The following FBLN7 variants were observed in gnomAD, a reference collection of about 807,000 sequenced individuals.
FBLN7 encodes fibulin 7, also known as fibulin-7.
Under a neutral mutation model 44.0 loss-of-function variants are expected in FBLN7, and 31 were observed. That is an observed-to-expected ratio of 0.70 (90% confidence interval 0.53 to 0.95). The LOEUF (loss-of-function observed/expected upper bound fraction) is 0.95. Among genes scored for constraint, FBLN7 ranks in the 40% least tolerant of loss-of-function variants. The pLI, the probability that FBLN7 is intolerant of heterozygous loss-of-function variation, is 0.00. For synonymous variants in FBLN7, 262 were observed against 253.4 expected, an observed-to-expected ratio of 1.03 and a Z score of -0.32; for missense variants, 573 against 618.5, an observed-to-expected ratio of 0.93 and a Z score of 0.78.
intron 6 of FBLN7, among the ~76,000 whole-genome samples, chr2:112,183,409 A>G (rs185181866): frequency 8.8e-4 from 134 of 152,324 alleles, no homozygotes; most frequent in African/African-American, 3.1e-3. Flanking sequence ...GTCTGATGGT[A>G]GCTGAGGACA....
At chr2:112,234,531 T>C in the FBLN7 span, among the ~76,000 whole-genome samples, 1 of 152,354 alleles carries the variant, frequency 6.6e-6, no homozygotes, top group South Asian at 2.1e-4. Context: ...CCAGACACAG[T>C]GGCTCACGCC....
chr2:112,175,877 C>A (rs751547908), intron 4 of FBLN7, 38 bp downstream of exon 4: 20 of 1,604,454 alleles, frequency 1.2e-5, no homozygotes, highest in African/African-American at 2.7e-5. Context: ...GGACATCCTG[C>A]TGTGGGGAGA....
chr2:112,202,052 T>C, the FBLN7 span, among the ~76,000 whole-genome samples: 27 of 152,228 alleles, frequency 1.8e-4, 1 homozygote, highest in South Asian at 4.1e-4. Flanking sequence ...TTATGTAGGA[T>C]ACAGCTGGGA....
intron 2 of FBLN7, among the ~76,000 whole-genome samples, chr2:112,162,375 C>G (rs575000335): frequency 3.4e-5 from 5 of 146,262 alleles, no homozygotes; most frequent in Admixed American, 1.4e-4. Flanking sequence ...ATTTCCAGTT[C>G]TGGAGAATTC....
At chr2:112,198,541 G>T in the FBLN7 span, among the ~76,000 whole-genome samples, 146 of 152,092 alleles carry the variant, frequency 9.6e-4, no homozygotes, top group Admixed American at 1.5e-3. Context: ...GGAGGCTGAG[G>T]GAGGAGAATC....
chr2:112,141,246 A>G (rs939383833), intron 1 of FBLN7, among the ~76,000 whole-genome samples: 1 of 152,338 alleles, frequency 6.6e-6, no homozygotes, highest in East Asian at 1.9e-4. Context: ...GCAGATGATG[A>G]AAGTGAGGCC....
Position 112,170,399 on chromosome 2 carries a change from C to T in FBLN7, c.406+5228C>T, listed in dbSNP as rs534598794. 2.9e-3 allele frequency among the ~76,000 whole-genome samples: 438 copies of T among 151,542 alleles called. 4 individuals carry two copies. The highest frequency in any genetic ancestry group is 0.01 in the African/African-American group (429 of 41,272). On this transcript the variant is annotated intron_variant, in intron 3 of 7. Coordinates refer to ENST00000331203, the MANE Select transcript of FBLN7 (RefSeq NM_153214.3). Reference sequence around the variant, plus strand: ...AAAATTAGCCGGGCATGGTGGCATGCGCCTGTAATCCCAGCTACTCTGGAG... The same window carrying T: ...AAAATTAGCCGGGCATGGTGGCATGTGCCTGTAATCCCAGCTACTCTGGAG...
intron 1 of FBLN7, among the ~76,000 whole-genome samples, chr2:112,140,195 T>A (rs1228116420): frequency 1.5e-5 from 2 of 137,112 alleles, no homozygotes; most frequent in East Asian, 4.3e-4. Context: ...CCCGCCTCTC[T>A]CCAGGCCAGT....
At chr2:112,148,682 G>A (rs1159784086) in intron 1 of FBLN7, among the ~76,000 whole-genome samples, 1 of 152,224 alleles carries the variant, frequency 6.6e-6, no homozygotes, top group Non-Finnish European at 1.5e-5. Flanking sequence ...TTGGTCTAGG[G>A]CAGTTCATCT....
At chr2:112,180,630 G>A (rs897583310) in intron 4 of FBLN7, among the ~76,000 whole-genome samples, 32 of 152,108 alleles carry the variant, frequency 2.1e-4, no homozygotes, top group Admixed American at 1.5e-3. Flanking sequence ...AAGAAAATGC[G>A]GTACATGGGG....
chr2:112,153,955 C>T lies in FBLN7; in HGVS notation c.76-5721C>T, dbSNP rs183797272. ...GAGCCTTAAAACCAGCTCCTCCCCTCGCCCAGCTCTCAGCACTGGTCTGCG... is the reference window on the plus strand; with the variant it reads ...GAGCCTTAAAACCAGCTCCTCCCCTTGCCCAGCTCTCAGCACTGGTCTGCG... On this transcript the variant is annotated intron_variant, in intron 1 of 7. Coordinates refer to ENST00000331203, the MANE Select transcript of FBLN7 (RefSeq NM_153214.3). 2.8e-4 allele frequency among the ~76,000 whole-genome samples: 42 copies of T among 152,328 alleles called. No homozygotes were observed. The East Asian group carries it at 7.0e-3, about 25-fold the overall frequency.
Position 112,160,385 on chromosome 2 carries a change from A to G in FBLN7, c.235+550A>G, listed in dbSNP as rs1573788740. On this transcript the variant is annotated intron_variant, in intron 2 of 7. Coordinates refer to ENST00000331203, the MANE Select transcript of FBLN7 (RefSeq NM_153214.3). ...CCCCCTTTCTTCTCCCTCAGCCTCAATGTCACCCCTTTTCTTCTTCAGCCT... is the reference window on the plus strand; with the variant it reads ...CCCCCTTTCTTCTCCCTCAGCCTCAGTGTCACCCCTTTTCTTCTTCAGCCT... Among the ~76,000 whole-genome samples the G allele has an allele frequency of 1.3e-5, 2 of 152,190 alleles. 1 individual carries two copies. Among genetic ancestry groups the G allele is most frequent in the South Asian group, 4.1e-4 (2 of 4,824 alleles).
intron 1 of FBLN7, among the ~76,000 whole-genome samples, chr2:112,141,087 AC>A (rs1181422116): frequency 6.6e-6 from 1 of 152,016 alleles, no homozygotes; most frequent in Non-Finnish European, 1.5e-5. Flanking sequence ...TGGACTGCCG[AC>A]CCCGCTACCT....
the FBLN7 span, among the ~76,000 whole-genome samples, chr2:112,228,773 A>G: frequency 2.0e-5 from 3 of 152,354 alleles, no homozygotes; most frequent in South Asian, 6.2e-4. Context: ...TTGATGCTTC[A>G]AAAGATACCA....
At chr2:112,153,832 T>A (rs1341700986) in intron 1 of FBLN7, among the ~76,000 whole-genome samples, 2 of 152,040 alleles carry the variant, frequency 1.3e-5, no homozygotes, top group Admixed American at 6.6e-5. Context: ...CCCGCCGGAG[T>A]AAACACTGTG....
chr2:112,198,958 GC>G, the FBLN7 span, among the ~76,000 whole-genome samples: 1 of 152,164 alleles, frequency 6.6e-6, no homozygotes, highest in Non-Finnish European at 1.5e-5. Flanking sequence ...TGGAATCTCT[GC>G]TTTTATTAAC....
intron 2 of FBLN7, among the ~76,000 whole-genome samples, chr2:112,162,968 C>T (rs942572401): frequency 2.6e-5 from 4 of 152,158 alleles, no homozygotes; most frequent in African/African-American, 4.8e-5. Flanking sequence ...GGCAGAACCC[C>T]GGGAGCAGCC....
At chr2:112,190,931 G>A (rs1315387357), downstream of FBLN7, among the ~76,000 whole-genome samples, 1 of 152,152 alleles carries the variant, frequency 6.6e-6, no homozygotes, top group Non-Finnish European at 1.5e-5. Context: ...AGTTCATGCT[G>A]ATACTTCCAA....
chr2:112,227,262 C>T, the FBLN7 span, among the ~76,000 whole-genome samples: 4 of 152,326 alleles, frequency 2.6e-5, no homozygotes, highest in South Asian at 8.3e-4. Flanking sequence ...CGGTGGCTCA[C>T]GCCTGTAATC....
Sources: gnomAD v4.1 joint callset for allele counts (sites outside exome capture counted in the v4.1 genomes callset) on GRCh38, gnomAD v4.1.1 for gene constraint, MANE v1.5 for transcripts, NCBI Gene and HGNC (gene_info 2026-07-23, HGNC 2026-07-21) for gene names.